CROCC2: variants seen among roughly 807,000 people sequenced by gnomAD.
The protein encoded by CROCC2 is ciliary rootlet coiled-coil protein 2.
CROCC2 carries 163 observed loss-of-function variants against 177.6 expected under a neutral mutation model. The ratio of observed to expected loss-of-function variants is 0.92; its 90% CI spans 0.81 to 1.05. The LOEUF (loss-of-function observed/expected upper bound fraction) is 1.05. CROCC2 is among the 50% of genes least tolerant of loss of function. The pLI, the probability that CROCC2 is intolerant of heterozygous loss-of-function variation, is 0.00. For synonymous variants in CROCC2, 904 were observed against 787.3 expected (o/e 1.15, Z -2.48); for missense variants, 1,929 against 1,797.8 (o/e 1.07, Z -1.32).
chr2:240,964,069 G>T, intron 21 of CROCC2: 1 of 560,482 alleles, frequency 1.8e-6, no homozygotes, highest in Non-Finnish European at 3.2e-6. Flanking sequence ...CAGAGCTGGG[G>T]AGCAGAGGGA....
chr2:240,972,356 G>A lies in CROCC2; in HGVS notation c.4401+4094G>A, dbSNP rs564728486. On this transcript the variant is annotated intron_variant, in intron 27 of 31. Transcript: ENST00000690015. The surrounding 1 kb of genome is among the most constrained non-coding windows in gnomAD (Gnocchi z 7.1). ...CTGTTCTGTTCCTGAAGTGGGCGGGGTGGGAGCGGCGCTCTCCGGTGCACG... is the reference window on the plus strand; with the variant it reads ...CTGTTCTGTTCCTGAAGTGGGCGGGATGGGAGCGGCGCTCTCCGGTGCACG... Among the ~76,000 whole-genome samples the A allele has an allele frequency of 6.6e-6, 1 of 152,262 alleles. No individual in the cohort carries two copies. Among genetic ancestry groups the A allele is most frequent in the East Asian group, 1.9e-4 (1 of 5,164 alleles).
intron 11 of CROCC2, 42 bp downstream of exon 11, chr2:240,933,894 A>G: frequency 9.2e-6 from 14 of 1,523,178 alleles, no homozygotes; most frequent in Non-Finnish European, 9.7e-6. Context: ...CTCCCACAGA[A>G]GAGACCCCAC....
chr2:240,912,117 C>T (rs538312646), intron 1 of CROCC2, among the ~76,000 whole-genome samples: 2 of 152,328 alleles, frequency 1.3e-5, no homozygotes, highest in South Asian at 2.1e-4. Context: ...CTTTTCCTCT[C>T]TGACGTACGC....
At chr2:240,907,206 T>A (rs2059261103) in intron 1 of CROCC2, among the ~76,000 whole-genome samples, 1 of 152,140 alleles carries the variant, frequency 6.6e-6, no homozygotes. Context: ...TCAGCCCTAG[T>A]GTCTATTCTG....
chr2:240,932,235 G>C, intron 7 of CROCC2, 83 bp from the exon 8 acceptor site: 1 of 647,840 alleles, frequency 1.5e-6, no homozygotes. Context: ...CCGCACAAAG[G>C]AGTCCGGGCA....
At chr2:240,930,901 T>C (rs1574756395) in intron 6 of CROCC2, 30 bp from the exon 7 acceptor site, 1 of 687,056 alleles carries the variant, frequency 1.5e-6, no homozygotes, top group Non-Finnish European at 2.7e-6. Flanking sequence ...GGGTCCTGAG[T>C]CCGCCACAGA....
rs1391640486 is a variant in CROCC2, at chr2:240,930,236, C to T, written c.716C>T (p.Thr239Ile). The change falls in exon 6 of 32, where the codon ACA (threonine) becomes ATA (isoleucine). Residue 239 changes from threonine (T) to isoleucine (I), a missense_variant. This residue lies in a region of CROCC2 where 1,397 missense variants were observed against 1,239.9 expected (regional missense o/e 1.13). Coordinates refer to ENST00000690015, the MANE Select transcript of CROCC2 (RefSeq NM_001351305.2). ...TGGAGACAGGCCGTGGTGCTGGGGA[C>T]AGACCTGGCCGAGCTGCGTGTAGCC... ...LLWRQAVVLG[T>I]DLAELRVATE... 2 of 587,846 alleles carry T rather than the reference C, an allele frequency of 3.4e-6. No homozygotes were observed. The highest frequency in any genetic ancestry group is 6.2e-6 in the Non-Finnish European group (2 of 320,822). 36.4% of individuals were successfully genotyped at this position (587,846 alleles called of 1,614,324 possible).
chr2:240,968,818 C>G (rs2059702671), intron 27 of CROCC2, among the ~76,000 whole-genome samples: 1 of 152,198 alleles, frequency 6.6e-6, no homozygotes, highest in South Asian at 2.1e-4. Flanking sequence ...GGTGAGGAGC[C>G]TGGGCCTGGA....
In CROCC2 at chr2:240,946,219, G is replaced by A; in HGVS notation, c.2329G>A (p.Gly777Ser). The A allele has an allele frequency of 1.3e-6, 2 of 1,541,954 alleles. No homozygotes were observed. Among genetic ancestry groups the A allele is most frequent in the Non-Finnish European group, 1.8e-6 (2 of 1,139,958 alleles). ...CAAGCAGGAGGCCTTGGAGAGGCAG[G>A]GCCGGCTCGCAGCTGAAGAGGCAGC... ...LAKQEALERQ[G>S]RLAAEEAADL... The change falls in exon 15 of 32, where the codon GGC becomes AGC. Residue 777 changes from glycine (G) to serine (S), a missense_variant. Around this residue, in one of 3 missense-constraint regions of CROCC2, gnomAD observed 1,397 missense variants for 1,239.9 expected, o/e 1.13. Coordinates refer to ENST00000690015, the MANE Select transcript of CROCC2 (RefSeq NM_001351305.2).
chr2:240,951,359 C>T (rs552777281), intron 18 of CROCC2, among the ~76,000 whole-genome samples: 2 of 151,098 alleles, frequency 1.3e-5, no homozygotes, highest in African/African-American at 4.9e-5. Flanking sequence ...ATCCACCTGC[C>T]CATCCATCCA....
rs113628770 is a variant in CROCC2, at chr2:240,913,913, C to T, written c.79-4813C>T. On this transcript the variant is annotated intron_variant, in intron 1 of 31. Transcript: ENST00000690015. ...CAGACGTCCGGTGGCTGGACTTGGC[C>T]GGAGGCCCTGTCCTCAGATGTGTTC... Among the ~76,000 whole-genome samples, 688 of 152,358 alleles carry T rather than the reference C, an allele frequency of 4.5e-3. 7 individuals are homozygous for T. Among genetic ancestry groups the T allele is most frequent in the African/African-American group, 0.016 (650 of 41,588 alleles).
At chr2:240,934,258 G>A (rs1356705755) in intron 11 of CROCC2, 73 bp from the exon 12 acceptor site, 25 of 1,490,606 alleles carry the variant, frequency 1.7e-5, no homozygotes, top group African/African-American at 7.0e-5. Context: ...GCAGGTGGTC[G>A]CCTGCCTGAA....
At position 240,953,461 on chromosome 2, in the gene CROCC2, C is replaced by T. The variant is rs1354877240; in HGVS notation, c.2830-2398C>T. On this transcript the variant is annotated intron_variant, in intron 18 of 31. Coordinates refer to ENST00000690015, the MANE Select transcript of CROCC2 (RefSeq NM_001351305.2). The surrounding 1 kb of genome is among the most constrained non-coding windows in gnomAD (Gnocchi z 4.0). Reference sequence around the variant, plus strand: ...AGCACAGGCTAAGAGGGCAGACAGACACCATGTGCTAGTGCCCTCCCTCCC... The same window carrying T: ...AGCACAGGCTAAGAGGGCAGACAGATACCATGTGCTAGTGCCCTCCCTCCC... 6.6e-6 allele frequency among the ~76,000 whole-genome samples: 1 copy of T among 151,612 alleles called. No homozygotes were observed. Among genetic ancestry groups the T allele is most frequent in the African/African-American group, 2.4e-5 (1 of 41,278 alleles).
chr2:240,961,926 C>T (rs898626366), intron 20 of CROCC2, among the ~76,000 whole-genome samples: 1 of 149,010 alleles, frequency 6.7e-6, no homozygotes, highest in African/African-American at 2.5e-5. Context: ...GGCATACGGA[C>T]GTGCACACAC....
intron 14 of CROCC2, among the ~76,000 whole-genome samples, chr2:240,942,623 G>T (rs572341652): frequency 6.6e-6 from 1 of 152,154 alleles, no homozygotes; most frequent in Non-Finnish European, 1.5e-5. Flanking sequence ...CTTCTAGAGG[G>T]AATTTGCTTT....
Position 240,988,771 on chromosome 2 carries a change from T to C in CROCC2, c.4584T>C (p.Asp1528=). The C allele has an allele frequency of 6.6e-7, 1 of 1,504,176 alleles. No individual in the cohort carries two copies. The highest frequency in any genetic ancestry group is 1.4e-5 in the African/African-American group (1 of 71,824). The allele number at this position is 1,504,176 out of a possible 1,614,324, so 93.2% of individuals were successfully genotyped here. Residue 1528 remains aspartate, a synonymous_variant, in exon 29 of 32, where the codon GAT becomes GAC. Transcript: ENST00000690015. ...MEQETLKREE[D]VARLGAEKEQ... ...AAGAGACACTGAAGAGGGAGGAGGA[T>C]GTGGCGAGGCTGGGGGCTGAGAAGG...
chr2:240,925,989 C>T (rs2059393386), intron 5 of CROCC2, 109 bp downstream of exon 5: 2 of 603,234 alleles, frequency 3.3e-6, no homozygotes, highest in Admixed American at 2.9e-5. Flanking sequence ...GGCTGTCCCT[C>T]TTGGGGACGA....
rs1046235936 is a variant in CROCC2 at position 240,949,893 on chromosome 2, A to C, written c.2652+191A>C. 6.6e-6 allele frequency among the ~76,000 whole-genome samples: 1 copy of C among 152,148 alleles called. No homozygotes were observed. The highest frequency in any genetic ancestry group is 2.4e-5 in the African/African-American group (1 of 41,428). ...CCAGGGCCTTCCCCGTGGAGCCCTC[A>C]TATTGGGCTTGGGTTTGTATTTGGG... On this transcript the variant is annotated intron_variant, in intron 17 of 31. Coordinates refer to ENST00000690015, the MANE Select transcript of CROCC2 (RefSeq NM_001351305.2). The surrounding 1 kb of genome is among the most constrained non-coding windows in gnomAD (Gnocchi z 4.5).
intron 27 of CROCC2, among the ~76,000 whole-genome samples, chr2:240,968,498 G>A (rs1189204717): frequency 6.6e-6 from 1 of 152,210 alleles, no homozygotes; most frequent in African/African-American, 2.4e-5. Context: ...TAGCAGAGCT[G>A]TCCTTACGGT....
Sources: gnomAD v4.1 joint callset for allele counts (sites outside exome capture counted in the v4.1 genomes callset) on GRCh38, gnomAD v4.1.1 for gene constraint, gnomAD v4.1.1 regional missense constraint, Gnocchi (gnomAD v3.1) non-coding constraint, MANE v1.5 for transcripts, NCBI Gene and HGNC (gene_info 2026-07-23, HGNC 2026-07-21) for gene names.